POLR3A: variants seen among roughly 807,000 people sequenced by gnomAD.
POLR3A encodes the protein RNA polymerase III subunit A, also known as DNA-directed RNA polymerase III subunit RPC1.
POLR3A carries 112 observed loss-of-function variants against 152.8 expected under a neutral mutation model. That is an observed-to-expected ratio of 0.73 (90% CI 0.63 to 0.86). The LOEUF is 0.86. Ranked by LOEUF, POLR3A falls within the 40% of genes least tolerant of loss-of-function variation. POLR3A has a pLI of 0.00. For missense variants in POLR3A, 1,385 were observed against 1,743.1 expected (o/e 0.79, Z 3.66); for synonymous variants, 615 against 652.1 (o/e 0.94, Z 0.87).
intron 4 of POLR3A, 102 bp from the exon 5 acceptor site, chr10:78,024,805 T>C (rs1477752395): frequency 5.2e-6 from 7 of 1,339,550 alleles, no homozygotes; most frequent in South Asian, 4.8e-5. Context: ...ACTATAGCAA[T>C]GAAAGATGAG....
intron 8 of POLR3A, 52 bp from the exon 9 acceptor site, chr10:78,019,317 C>T (rs1190291212): frequency 2.6e-6 from 3 of 1,140,074 alleles, no homozygotes; most frequent in African/African-American, 3.0e-5. Context: ...TAGAAACTAA[C>T]AAATGATACT....
At position 78,009,513 on chromosome 10, in the gene POLR3A, CCCACCCGAGTTCCGT is replaced by C. The variant is rs1179534709; in HGVS notation, c.1909+9_1909+23del. The stretch of plus-strand genomic sequence containing the variant: ...CTTTTCTGTCACGTTCCTCCTTCTC[CCCACCCGAGTTCCGT>C]CCACTCACAGGAATCATTGGCACAG... On this transcript the variant is annotated intron_variant, in intron 14 of 30. Coordinates refer to ENST00000372371, the MANE Select transcript of POLR3A (RefSeq NM_007055.4). 1 of 1,614,212 alleles carries C rather than the reference CCCACCCGAGTTCCGT, an allele frequency of 6.2e-7. No homozygotes were observed.
In POLR3A at chr10:78,009,939, G is replaced by C; in HGVS notation, c.1695C>G (p.Cys565Trp). ...CAACCAGTATTGAAGCAATGATTTG[G>C]CAAGCCTTGGCTCGATCAAAGAAAG... Reference protein sequence around the residue: ...KDTFFDRAKACQIIASILVGK... With the variant: ...KDTFFDRAKAWQIIASILVGK... Residue 565 changes from cysteine to tryptophan, a missense_variant, in exon 13 of 31, where the codon TGC (cysteine) becomes TGG (tryptophan). Transcript: ENST00000372371. The C allele has an allele frequency of 6.2e-7, 1 of 1,614,136 alleles. No homozygotes were observed. Among genetic ancestry groups the C allele is most frequent in the East Asian group, 2.2e-5 (1 of 44,886 alleles).
At chr10:78,000,847 C>CA in intron 18 of POLR3A, 129 bp downstream of exon 18, 1 of 671,140 alleles carries the variant, frequency 1.5e-6, no homozygotes, top group Non-Finnish European at 2.8e-6. Flanking sequence ...AATAAAATGG[C>CA]AAAAAATACA....
At chr10:78,011,944 G>C (rs1252665307) in intron 11 of POLR3A, among the ~76,000 whole-genome samples, 1 of 152,196 alleles carries the variant, frequency 6.6e-6, no homozygotes. Context: ...AATGTCCACA[G>C]TATGGATCCT....
In POLR3A at chr10:77,993,179, T is replaced by C. The variant is rs752534627; in HGVS notation, c.2787+18A>G. 7 of 1,601,204 alleles carry C rather than the reference T, an allele frequency of 4.4e-6. No individual in the cohort carries two copies. The Admixed American group carries it at 5.0e-5, about 11-fold the overall frequency. ...TCCTTAAAAACACTCTAACCCCAGA[T>C]ATAATGCTAAATCTTACTTTGATGT... is the stretch of plus-strand genomic sequence containing the variant. On this transcript the variant is annotated intron_variant, in intron 20 of 30. Coordinates refer to ENST00000372371, the MANE Select transcript of POLR3A (RefSeq NM_007055.4).
chr10:77,998,947 C>A (rs144762254), intron 19 of POLR3A, among the ~76,000 whole-genome samples: 6,461 of 152,222 alleles, frequency 0.042, 332 homozygotes, highest in East Asian at 0.23. Flanking sequence ...GTGGCACATA[C>A]ACACCATGGA....
In POLR3A at chr10:78,021,963, C is replaced by T. The variant is rs1847584091; in HGVS notation, c.945G>A (p.Leu315=). 1 of 1,614,164 alleles carries T rather than the reference C, an allele frequency of 6.2e-7. No homozygotes were observed. The highest frequency in any genetic ancestry group is 8.5e-7 in the Non-Finnish European group (1 of 1,180,012). Residue 315 remains leucine (L), a synonymous_variant, in exon 7 of 31, where the codon CTG becomes CTA. Transcript: ENST00000372371. ...CACTGTTAATGTAGAGGGCACACTGCAGCTGCAGGAAATCCCAGTCCTCCA... is the reference window on the plus strand; with the variant it reads ...CACTGTTAATGTAGAGGGCACACTGTAGCTGCAGGAAATCCCAGTCCTCCA... ...MIMEDWDFLQ[L]QCALYINSEL...
chr10:78,025,067 G>T lies in POLR3A; in HGVS notation c.394C>A (p.Pro132Thr), dbSNP rs1847618753. ...KKQFLDYLKR[P>T]GLTYLQKRGL... ...CGCTTCTGAAGGTAGGTCAGGCCGG[G>T]CCTCTTTAGATAGTCCAGAAACTGC... The change falls in exon 4 of 31, where the codon CCC becomes ACC. Residue 132 changes from proline to threonine, a missense_variant. This residue lies in a region of POLR3A where 493 missense variants were observed against 647.5 expected (regional missense o/e 0.76). Coordinates refer to ENST00000372371, the MANE Select transcript of POLR3A (RefSeq NM_007055.4). 3.7e-6 allele frequency: 6 copies of T among 1,614,142 alleles called. No individual in the cohort carries two copies. Among genetic ancestry groups the T allele is most frequent in the Non-Finnish European group, 5.1e-6 (6 of 1,180,000 alleles).
Position 78,022,311 on chromosome 10 carries a change from A to G in POLR3A, c.719T>C (p.Met240Thr). The G allele has an allele frequency of 6.2e-7, 1 of 1,614,098 alleles. No homozygotes were observed. The highest frequency in any genetic ancestry group is 8.5e-7 in the Non-Finnish European group (1 of 1,179,914). The change falls in exon 6 of 31, where the codon ATG becomes ACG. Residue 240 changes from methionine (M) to threonine (T), a missense_variant. Transcript: ENST00000372371. ...IPAEDVPLLL[M>T]NPEAGKPSDL... ...AGACGGCTTTCCGGCTTCTGGGTTC[A>G]TCAGAAGTAGAGGAACATCTTCAGC...
chr10:78,010,072 T>A, intron 12 of POLR3A, 81 bp from the exon 13 acceptor site: 1 of 1,556,426 alleles, frequency 6.4e-7, no homozygotes, highest in South Asian at 1.2e-5. Context: ...TTAAAATAAA[T>A]TTGAACCATG....
At chr10:78,007,945 A>C in intron 14 of POLR3A, 79 bp from the exon 15 acceptor site, 1 of 1,312,904 alleles carries the variant, frequency 7.6e-7, no homozygotes, top group East Asian at 2.3e-5. Flanking sequence ...GACAGTTGAG[A>C]AAATATGTTC....
chr10:78,007,615 A>G, intron 15 of POLR3A, 87 bp downstream of exon 15: 2 of 1,106,660 alleles, frequency 1.8e-6, no homozygotes, highest in Non-Finnish European at 2.8e-6. Flanking sequence ...GTGGGGATGA[A>G]ATGGCAGTAA....
rs2131947900 is a variant in POLR3A, at chr10:78,007,847, A to T, written c.1929T>A (p.Ser643Arg). 1.2e-6 allele frequency: 2 copies of T among 1,613,168 alleles called. No individual in the cohort carries two copies. The highest frequency in any genetic ancestry group is 4.5e-5 in the East Asian group (2 of 44,884). Reference sequence around the variant, plus strand: ...TGTCCATGCTGCCACTCATCAACTCACTGTTCTGGATTGTAACATCTGGAA... The same window carrying T: ...TGTCCATGCTGCCACTCATCAACTCTCTGTTCTGGATTGTAACATCTGGAA... ...ANDSYVTIQN[S>R]ELMSGSMDKG... The change falls in exon 15 of 31, where the codon AGT (serine) becomes AGA (arginine). Residue 643 changes from serine to arginine, a missense_variant. By Grantham distance (110) the Ser-to-Arg change is moderately radical (BLOSUM62 -1). This residue lies in a region of POLR3A where 188 missense variants were observed against 179.9 expected (regional missense o/e 1.04). Transcript: ENST00000372371.
chr10:78,011,986 G>T (rs1847470830), intron 11 of POLR3A, among the ~76,000 whole-genome samples: 1 of 152,164 alleles, frequency 6.6e-6, no homozygotes, highest in Admixed American at 6.5e-5. Context: ...AGTCTAAATG[G>T]TTGGTTGCAA....
chr10:77,986,030 T>G (rs1453669753), intron 22 of POLR3A, 43 bp downstream of exon 22: 2 of 1,596,734 alleles, frequency 1.3e-6, no homozygotes, highest in East Asian at 2.2e-5. Flanking sequence ...CAGCGGCAAC[T>G]ACAAACAGCT....
At chr10:78,018,719 A>C (rs1353146322) in intron 9 of POLR3A, among the ~76,000 whole-genome samples, 1 of 151,926 alleles carries the variant, frequency 6.6e-6, no homozygotes, top group Non-Finnish European at 1.5e-5. Context: ...AGTAGCTGGG[A>C]CTACATACGT....
Position 77,977,688 on chromosome 10 carries a change from A to C in POLR3A, c.4025-62T>G, listed in dbSNP as rs1564612013. On this transcript the variant is annotated intron_variant, in intron 30 of 30. Coordinates refer to ENST00000372371, the MANE Select transcript of POLR3A (RefSeq NM_007055.4). ...AACACAAGGTACATTTTCACGAAGA[A>C]AGACTATTGGCTTAAGTGTCAGAAA... 4 of 1,423,840 alleles carry C rather than the reference A, an allele frequency of 2.8e-6. No individual in the cohort carries two copies. In the East Asian group the frequency reaches 9.1e-5, roughly 32 times the overall value. 88.2% of individuals were successfully genotyped at this position (1,423,840 alleles called of 1,614,324 possible).
At chr10:77,983,797 A>T (rs1589303582) in intron 26 of POLR3A, 123 bp downstream of exon 26, 2 of 725,700 alleles carry the variant, frequency 2.8e-6, no homozygotes, top group East Asian at 5.4e-5. Context: ...CACAAAAACC[A>T]GAAACCACAC....
Sources: allele counts gnomAD v4.1 joint callset (sites outside exome capture counted in the v4.1 genomes callset), GRCh38; gene constraint gnomAD v4.1.1; regional missense constraint gnomAD v4.1.1; transcripts MANE v1.5; gene names NCBI Gene and HGNC (gene_info 2026-07-23, HGNC 2026-07-21).